The following DPP6 variants were observed in gnomAD, a reference collection of about 807,000 sequenced individuals.
DPP6 encodes dipeptidyl peptidase like 6.
A neutral mutation model predicts 122.6 loss-of-function variants in DPP6; 69 were observed. The observed-to-expected ratio is 0.56, with a 90% CI of 0.46 to 0.69. The LOEUF is 0.69. DPP6 is among the 30% of genes least tolerant of loss of function. The probability of loss-of-function intolerance (pLI) is 0.00; values close to 1 mark genes in which losing one functional copy is unlikely to be tolerated. For missense variants in DPP6, 928 were observed against 1,116.9 expected, an observed-to-expected ratio of 0.83 and a Z score of 2.41; for synonymous variants, 418 against 433.1, an observed-to-expected ratio of 0.97 and a Z score of 0.43.
At chr7:154,623,565 GCACACACACA>G (rs76893753) in intron 5 of DPP6, among the ~76,000 whole-genome samples, 1 of 148,970 alleles carries the variant, frequency 6.7e-6, no homozygotes, top group Non-Finnish European at 1.5e-5. Context: ...CACGCAACAC[GCACACACACA>G]CGCACGCACA....
chr7:154,668,996 G>C (rs1280845791), intron 6 of DPP6, among the ~76,000 whole-genome samples: 1 of 152,152 alleles, frequency 6.6e-6, no homozygotes, highest in East Asian at 1.9e-4. Context: ...ACCAAAGATG[G>C]AGATACAAAT....
intron 1 of DPP6, among the ~76,000 whole-genome samples, chr7:154,357,191 A>G (rs1034466970): frequency 6.6e-6 from 1 of 152,126 alleles, no homozygotes; most frequent in African/African-American, 2.4e-5. Context: ...ATGAAAAAAC[A>G]TACACAGTAG....
chr7:154,739,516 C>G (rs1365726950), intron 8 of DPP6, among the ~76,000 whole-genome samples: 1 of 152,158 alleles, frequency 6.6e-6, no homozygotes, highest in Non-Finnish European at 1.5e-5. Context: ...CTTGAATGAG[C>G]TGCAAATAGA....
chr7:154,471,739 T>C (rs1046197157), intron 2 of DPP6, among the ~76,000 whole-genome samples: 2 of 151,580 alleles, frequency 1.3e-5, no homozygotes, highest in Non-Finnish European at 2.9e-5. Context: ...CCAACACACA[T>C]GAAAACCAAA....
chr7:154,810,914 G>A (rs2150474963), intron 16 of DPP6, among the ~76,000 whole-genome samples: 1 of 152,322 alleles, frequency 6.6e-6, no homozygotes, highest in Middle Eastern at 3.4e-3. Context: ...TTGAAGATAG[G>A]AATAGATCTC....
At chr7:154,434,134 A>C (rs1022130616) in intron 1 of DPP6, among the ~76,000 whole-genome samples, 1 of 152,246 alleles carries the variant, frequency 6.6e-6, no homozygotes, top group Non-Finnish European at 1.5e-5. Flanking sequence ...TAAAACATTA[A>C]CAGTCTGAAT....
chr7:154,599,451 T>C (rs1833294508), intron 5 of DPP6, among the ~76,000 whole-genome samples: 1 of 151,870 alleles, frequency 6.6e-6, no homozygotes. Flanking sequence ...GCAAGAACTT[T>C]CTTTCTTTCT....
At chr7:154,107,217 C>A (rs796243231) in intron 1 of DPP6, among the ~76,000 whole-genome samples, 9 of 152,234 alleles carry the variant, frequency 5.9e-5, no homozygotes, top group African/African-American at 2.2e-4. Context: ...GGATAAGAAA[C>A]GTGTGGTGTA....
intron 1 of DPP6, among the ~76,000 whole-genome samples, chr7:154,281,104 C>T (rs1804480348): frequency 6.6e-6 from 1 of 151,796 alleles, no homozygotes. Flanking sequence ...CCTCCGCCTC[C>T]CAGGTTCAAG....
intron 1 of DPP6, among the ~76,000 whole-genome samples, chr7:154,295,595 A>G (rs1303967299): frequency 6.6e-6 from 1 of 152,122 alleles, no homozygotes; most frequent in African/African-American, 2.4e-5. Flanking sequence ...CAATGATCCT[A>G]GCAAGAACTG....
the DPP6 span, among the ~76,000 whole-genome samples, chr7:153,768,457 G>C: frequency 3.7e-4 from 57 of 152,242 alleles, no homozygotes; most frequent in African/African-American, 1.3e-3. Flanking sequence ...CATGAGATCA[G>C]CTTTAGTATT....
intron 5 of DPP6, among the ~76,000 whole-genome samples, chr7:154,595,691 G>A (rs768453434): frequency 3.9e-5 from 6 of 152,228 alleles, no homozygotes; most frequent in South Asian, 2.1e-4. Flanking sequence ...TAAGCTAGGC[G>A]GAGGCAGGAA....
chr7:154,044,174 A>G (rs979978436), intron 1 of DPP6, among the ~76,000 whole-genome samples: 6 of 152,248 alleles, frequency 3.9e-5, no homozygotes, highest in African/African-American at 1.4e-4. Context: ...CAAGCAAAAT[A>G]TAAGTAATTG....
At chr7:153,875,479 G>GA in the DPP6 span, among the ~76,000 whole-genome samples, 1,014 of 151,956 alleles carry the variant, frequency 6.7e-3, 10 homozygotes, top group African/African-American at 0.023. Flanking sequence ...ACAATGATTA[G>GA]AAAAAAATAC....
chr7:154,475,658 G>C (rs1822668447), intron 3 of DPP6: 1 of 153,086 alleles, frequency 6.5e-6, no homozygotes, highest in South Asian at 2.0e-4. Flanking sequence ...TGCCTGTGTT[G>C]GTTCATAACA....
rs149047494 is a variant in DPP6 at position 154,889,540 on chromosome 7, G to A, written c.2451+10G>A. 7.9e-4 allele frequency: 1,267 copies of A among 1,600,944 alleles called. 9 individuals carry two copies. The African/African-American group carries it at 0.013, about 16-fold the overall frequency. On this transcript the variant is annotated intron_variant, in intron 25 of 25. Coordinates refer to ENST00000377770, the MANE Select transcript of DPP6 (RefSeq NM_130797.4). ...TAATTACAGCTTACAGGTACAGTAC[G>A]CATGTTACTCTGTTTTGAACCTGGA... is the stretch of plus-strand genomic sequence containing the variant.
At chr7:153,749,336 C>G in the DPP6 span, among the ~76,000 whole-genome samples, 1 of 152,114 alleles carries the variant, frequency 6.6e-6, no homozygotes, top group East Asian at 1.9e-4. This position sits in a 1 kb window ranked among gnomAD's most constrained non-coding sequence, Gnocchi z 4.1. Context: ...GCGAGGCTTT[C>G]GGGAGAAGAG....
intron 1 of DPP6, among the ~76,000 whole-genome samples, chr7:154,293,781 TG>T (rs1299400926): frequency 2.0e-5 from 3 of 152,242 alleles, no homozygotes; most frequent in Non-Finnish European, 4.4e-5. Flanking sequence ...ATGAATGAAC[TG>T]GTTCTGACCT....
chr7:154,227,215 G>GACACAC (rs1554495537), intron 1 of DPP6, among the ~76,000 whole-genome samples: 2 of 141,356 alleles, frequency 1.4e-5, no homozygotes, highest in Non-Finnish European at 1.5e-5. Context: ...GAAAATGAGG[G>GACACAC]ACACACACAC....
Sources: gnomAD v4.1 joint callset for allele counts (sites outside exome capture counted in the v4.1 genomes callset) on GRCh38, gnomAD v4.1.1 for gene constraint, Gnocchi (gnomAD v3.1) non-coding constraint, MANE v1.5 for transcripts, NCBI Gene and HGNC (gene_info 2026-07-23, HGNC 2026-07-21) for gene names.